KREMEN1: variants seen among roughly 807,000 people sequenced by gnomAD.
The protein encoded by KREMEN1 is kringle containing transmembrane protein 1.
A neutral mutation model predicts 46.5 loss-of-function variants in KREMEN1; 30 were observed. That is an observed-to-expected ratio of 0.65 (90% CI 0.48 to 0.88). The LOEUF (loss-of-function observed/expected upper bound fraction) is 0.88. Ranked by LOEUF, KREMEN1 falls within the 40% of genes least tolerant of loss-of-function variation. KREMEN1 has a pLI of 0.00. For synonymous variants in KREMEN1, 214 were observed against 230.6 expected (o/e 0.93, Z 0.65); for missense variants, 533 against 596.9 (o/e 0.89, Z 1.11).
chr22:29,155,179 C>T (rs2038950530), intron 9 of KREMEN1, among the ~76,000 whole-genome samples: 1 of 151,966 alleles, frequency 6.6e-6, no homozygotes, highest in Admixed American at 6.6e-5. Context: ...AAGGCACCAG[C>T]AAAGTCCTGC....
chr22:29,120,443 T>A (rs5997441), intron 3 of KREMEN1, among the ~76,000 whole-genome samples: 23,804 of 45,472 alleles, frequency 0.52, 7,894 homozygotes, highest in African/African-American at 0.61. Context: ...GAGGTGATGA[T>A]GGAAACAGGG....
intron 1 of KREMEN1, among the ~76,000 whole-genome samples, chr22:29,092,611 G>A (rs562924753): frequency 6.6e-6 from 1 of 152,110 alleles, no homozygotes; most frequent in Admixed American, 6.5e-5. Context: ...CTTGGTAGAG[G>A]GGTTTGGTCC....
At chr22:29,102,299 A>C (rs980413014) in intron 3 of KREMEN1, among the ~76,000 whole-genome samples, 1 of 152,076 alleles carries the variant, frequency 6.6e-6, no homozygotes, top group African/African-American at 2.4e-5. Context: ...TATCCTTCCA[A>C]CCTGAGTGTG....
rs576627978 is a variant in KREMEN1 at position 29,142,448 on chromosome 22, A to T, written c.*336A>T. ...GGTGGTCATGGCTGGCACAGGGCTC[A>T]GGTACATTCTAGATGGCTGTCAGGT... On this transcript the variant is annotated 3_prime_UTR_variant, in exon 9 of 9. Coordinates refer to ENST00000400335, the MANE Select transcript of KREMEN1 (RefSeq NM_001039570.3). The T allele has an allele frequency of 2.9e-6, 3 of 1,047,370 alleles. No homozygotes were observed. The highest frequency in any genetic ancestry group is 3.4e-6 in the Non-Finnish European group (3 of 871,234). 64.9% of individuals were successfully genotyped at this position (1,047,370 alleles called of 1,614,324 possible).
At chr22:29,105,288 T>C (rs546019111) in intron 3 of KREMEN1, among the ~76,000 whole-genome samples, 2 of 151,444 alleles carry the variant, frequency 1.3e-5, no homozygotes, top group Non-Finnish European at 2.9e-5. Context: ...TTCTTATCAG[T>C]ATGTCTAGAA....
Position 29,129,346 on chromosome 22 carries a change from A to G in KREMEN1, c.631+3930A>G, listed in dbSNP as rs553565563. On this transcript the variant is annotated intron_variant, in intron 5 of 8. Transcript: ENST00000400335. The stretch of plus-strand genomic sequence containing the variant: ...TGGGCGACAGAGTGAGACTCCATCT[A>G]AAAAAAAAAAGGTCCATCTAGTAGA... 1.6e-4 allele frequency among the ~76,000 whole-genome samples: 23 copies of G among 144,574 alleles called. No individual in the cohort carries two copies. In the Middle Eastern group the frequency reaches 0.011, roughly 67 times the overall value. The allele number at this position is 144,574 out of a possible 152,430, so 94.8% of individuals were successfully genotyped here.
At position 29,165,404 on chromosome 22, in the gene KREMEN1, A is replaced by C. The variant is rs1033803707; in HGVS notation, c.1417-1640A>C. Among the ~76,000 whole-genome samples, 283 of 151,442 alleles carry C rather than the reference A, an allele frequency of 1.9e-3. 1 individual carries two copies. The highest frequency in any genetic ancestry group is 6.4e-3 in the African/African-American group (266 of 41,448). ...GTGACAGAGCAAGAGCCTGTCACAA[A>C]AAAAAAAAAAAGTAGTTCAGAAATC... is the stretch of plus-strand genomic sequence containing the variant. On this transcript the variant is annotated intron_variant, in intron 9 of 9. Coordinates refer to the KREMEN1 transcript ENST00000327813.
intron 3 of KREMEN1, among the ~76,000 whole-genome samples, chr22:29,105,698 G>A (rs149604417): frequency 0.014 from 2,140 of 152,228 alleles, 33 homozygotes; most frequent in African/African-American, 0.03. Context: ...TCTGAGGGAG[G>A]CATTTCTCCA....
intron 9 of KREMEN1, among the ~76,000 whole-genome samples, chr22:29,155,363 G>A (rs886562049): frequency 5.9e-5 from 9 of 151,572 alleles, no homozygotes; most frequent in East Asian, 5.9e-4. Flanking sequence ...GGCAAAACCC[G>A]GTGTCTACAA....
intron 1 of KREMEN1, among the ~76,000 whole-genome samples, chr22:29,081,532 T>G (rs932477177): frequency 2.0e-5 from 3 of 152,230 alleles, no homozygotes; most frequent in African/African-American, 7.2e-5. Flanking sequence ...TAATCGAGCT[T>G]CATGGAACAC....
At position 29,125,407 on chromosome 22, in the gene KREMEN1, C is replaced by T. The variant is rs763119687; in HGVS notation, c.622C>T (p.Leu208Phe). The change falls in exon 5 of 9, where the codon CTC becomes TTC. Residue 208 changes from leucine to phenylalanine, a missense_variant. Coordinates refer to ENST00000400335, the MANE Select transcript of KREMEN1 (RefSeq NM_001039570.3). The part of the protein sequence containing the change: ...QPCGGDGRII[L>F]FDTLVGACGG... ...CTGTGGTGGCGATGGCAGGATCATC[C>T]TCTTTGATAGTGAGTATGCCCTGTG... 1 of 1,614,148 alleles carries T rather than the reference C, an allele frequency of 6.2e-7. No individual in the cohort carries two copies. Among genetic ancestry groups the T allele is most frequent in the African/African-American group, 1.3e-5 (1 of 75,040 alleles).
Position 29,073,176 on chromosome 22 carries a change from C to T in KREMEN1, c.46C>T (p.Leu16Phe), listed in dbSNP as rs2037499294. The T allele has an allele frequency of 8.5e-7, 1 of 1,178,146 alleles. No homozygotes were observed. Among genetic ancestry groups the T allele is most frequent in the African/African-American group, 1.6e-5 (1 of 61,406 alleles). The allele number at this position is 1,178,146 out of a possible 1,614,324, so 73.0% of individuals were successfully genotyped here. A position where few individuals can be genotyped will look rare whatever the true frequency, so the allele number is the denominator to read the frequency against. ...CCTCGCCCTGCTCTCCGCCGCGGCGCTCACGCTGGCGGCCCGGCCCGCGCC... is the reference window on the plus strand; with the variant it reads ...CCTCGCCCTGCTCTCCGCCGCGGCGTTCACGCTGGCGGCCCGGCCCGCGCC... ...ARLALLSAAA[L>F]TLAARPAPSP... Residue 16 changes from leucine to phenylalanine, a missense_variant, in exon 1 of 9, where the codon CTC (leucine) becomes TTC (phenylalanine). Physicochemically the swap from Leu to Phe is conservative, Grantham distance 22 (BLOSUM62 0). Coordinates refer to ENST00000400335, the MANE Select transcript of KREMEN1 (RefSeq NM_001039570.3). This position sits in a 1 kb window ranked among gnomAD's most constrained non-coding sequence, Gnocchi z 4.4.
intron 6 of KREMEN1, 68 bp from the exon 7 acceptor site, chr22:29,138,556 T>C (rs2038705708): frequency 4.1e-6 from 6 of 1,467,252 alleles, no homozygotes; most frequent in Non-Finnish European, 5.7e-6. Flanking sequence ...TAACTCGTGC[T>C]CTCCTCCCGC....
At chr22:29,136,033 C>T (rs972210232) in intron 5 of KREMEN1, among the ~76,000 whole-genome samples, 1 of 151,948 alleles carries the variant, frequency 6.6e-6, no homozygotes, top group Non-Finnish European at 1.5e-5. Context: ...GAAATTCTCC[C>T]GTCTCAGCCT....
In KREMEN1 at chr22:29,145,594, T is replaced by C. The variant is rs558984461; in HGVS notation, c.*3482T>C. On this transcript the variant is annotated 3_prime_UTR_variant, in exon 9 of 9. Transcript: ENST00000400335. ...TTCTAGCAGCGTTTCTCAGTGTCCT[T>C]GGCCCTTCTGAGAAGGCAGGCGGGA... The C allele has an allele frequency of 9.1e-6, 9 of 985,560 alleles. No individual in the cohort carries two copies. The highest frequency in any genetic ancestry group is 1.1e-5 in the Non-Finnish European group (9 of 830,020). 61.1% of individuals were successfully genotyped at this position (985,560 alleles called of 1,614,324 possible).
At chr22:29,139,188 G>A (rs185674893) in intron 7 of KREMEN1, among the ~76,000 whole-genome samples, 72 of 152,346 alleles carry the variant, frequency 4.7e-4, no homozygotes, top group Non-Finnish European at 8.5e-4. Flanking sequence ...GCCAGGCACT[G>A]TTCTAGGTAC....
chr22:29,156,566 TGCTCTCCGCACAGGAC>T (rs1303054521), intron 9 of KREMEN1, among the ~76,000 whole-genome samples: 8 of 29,652 alleles, frequency 2.7e-4, no homozygotes, highest in African/African-American at 7.5e-4. Flanking sequence ...CGCACAGGAA[TGCTCTCCGCACAGGAC>T]GCTGGCTGCC....
rs1170733739 is a variant in KREMEN1, at chr22:29,142,050, T to C, written c.1315T>C (p.Phe439Leu). 6.2e-7 allele frequency: 1 copy of C among 1,613,192 alleles called. No individual in the cohort carries two copies. Among genetic ancestry groups the C allele is most frequent in the African/African-American group, 1.3e-5 (1 of 74,904 alleles). Residue 439 changes from phenylalanine to leucine, a missense_variant, in exon 9 of 9, where the codon TTT becomes CTT. Transcript: ENST00000400335. Reference protein sequence around the residue: ...FYKPSTSISIFKKKLKGQSQQ... With the variant: ...FYKPSTSISILKKKLKGQSQQ... ...CAAGCCTTCCACTTCAATTTCCATC[T>C]TTAAGAAGAAACTCAAGGGTCAGAG...
intron 9 of KREMEN1, among the ~76,000 whole-genome samples, chr22:29,157,287 G>T (rs2038971227): frequency 6.6e-6 from 1 of 152,146 alleles, no homozygotes; most frequent in Non-Finnish European, 1.5e-5. Context: ...TCCAGTGGGG[G>T]AGCCGAGGCC....
Sources: allele counts gnomAD v4.1 joint callset (sites outside exome capture counted in the v4.1 genomes callset), GRCh38; gene constraint gnomAD v4.1.1; non-coding constraint Gnocchi (gnomAD v3.1); transcripts MANE v1.5; gene names NCBI Gene and HGNC (gene_info 2026-07-23, HGNC 2026-07-21).